The following DLG2 variants were observed in gnomAD, a reference collection of about 807,000 sequenced individuals.
DLG2 encodes the protein discs large MAGUK scaffold protein 2, also known as disks large homolog 2.
DLG2 carries 45 observed loss-of-function variants against 132.5 expected under a neutral mutation model. That is an observed-to-expected ratio of 0.34 (90% CI 0.27 to 0.44). The LOEUF (loss-of-function observed/expected upper bound fraction) is 0.44. DLG2 is among the 20% of genes least tolerant of loss of function. The pLI is 1.00. For missense variants in DLG2, 1,045 were observed against 1,196.9 expected, an observed-to-expected ratio of 0.87 and a Z score of 1.87; for synonymous variants, 424 against 419.6, an observed-to-expected ratio of 1.01 and a Z score of -0.13.
intron 3 of DLG2, chr11:85,453,423 A>G (rs2092317379): frequency 6.0e-6 from 1 of 165,834 alleles, no homozygotes; most frequent in Non-Finnish European, 1.3e-5. Context: ...AATACTGATA[A>G]AAGGGACACA....
intron 19 of DLG2, among the ~76,000 whole-genome samples, chr11:83,575,568 C>G (rs918739256): frequency 5.3e-5 from 8 of 152,116 alleles, no homozygotes; most frequent in African/African-American, 1.7e-4. Flanking sequence ...GAGAAAGAAC[C>G]ATTTTGAAGG....
chr11:85,390,621 T>G (rs765140970), intron 3 of DLG2, among the ~76,000 whole-genome samples: 8 of 151,744 alleles, frequency 5.3e-5, no homozygotes, highest in Non-Finnish European at 8.8e-5. Flanking sequence ...AAAATGAAAA[T>G]AAACACCAAA....
intron 18 of DLG2, chr11:83,651,826 A>T (rs1244094735): frequency 2.1e-6 from 1 of 470,990 alleles, no homozygotes; most frequent in Non-Finnish European, 4.4e-6. Flanking sequence ...CATGTGAAAG[A>T]TTTGCTCCCT....
At chr11:85,290,000 G>T (rs1408847251) in intron 3 of DLG2, among the ~76,000 whole-genome samples, 1 of 152,160 alleles carries the variant, frequency 6.6e-6, no homozygotes, top group East Asian at 1.9e-4. Context: ...CCTTAGGAAT[G>T]AAGACAATGT....
intron 6 of DLG2, among the ~76,000 whole-genome samples, chr11:84,660,088 C>T (rs1054764150): frequency 4.6e-5 from 7 of 152,054 alleles, no homozygotes; most frequent in Admixed American, 1.3e-4. Flanking sequence ...ACATACTGTT[C>T]ATAAGGCTGA....
intron 9 of DLG2, among the ~76,000 whole-genome samples, chr11:84,108,196 G>C (rs894634898): frequency 1.3e-5 from 2 of 152,014 alleles, no homozygotes; most frequent in East Asian, 3.9e-4. Context: ...AAGGAAGAGG[G>C]AGCAACAGGC....
intron 3 of DLG2, among the ~76,000 whole-genome samples, chr11:85,483,597 T>C (rs965255655): frequency 2.6e-5 from 4 of 152,168 alleles, no homozygotes; most frequent in Non-Finnish European, 5.9e-5. Flanking sequence ...CTAACTGCAA[T>C]GGTGATATGT....
rs1208591432 is a variant in DLG2 at position 84,784,345 on chromosome 11, TAAA to T, written c.358-249617_358-249615del. Among the ~76,000 whole-genome samples, 884 of 147,028 alleles carry T rather than the reference TAAA, an allele frequency of 6.0e-3. 9 individuals carry two copies. The highest frequency in any genetic ancestry group is 0.015 in the African/African-American group (597 of 40,408). The stretch of plus-strand genomic sequence containing the variant: ...CAAAATAAATAAATAAATAAATAAA[TAAA>T]TAAATAAATAAATAAATAAATTAAA... On this transcript the variant is annotated intron_variant, in intron 6 of 27. Coordinates refer to ENST00000376104, the MANE Select transcript of DLG2 (RefSeq NM_001142699.3).
At chr11:84,155,467 G>A (rs75549029) in intron 9 of DLG2, among the ~76,000 whole-genome samples, 3,221 of 151,014 alleles carry the variant, frequency 0.021, 85 homozygotes, top group East Asian at 0.12. Flanking sequence ...CTAGTCAGCC[G>A]TCTAGTCCCC....
At chr11:84,002,349 C>T (rs1013584056) in intron 11 of DLG2, among the ~76,000 whole-genome samples, 3 of 152,178 alleles carry the variant, frequency 2.0e-5, no homozygotes, top group African/African-American at 7.2e-5. Flanking sequence ...AGGTAGTACC[C>T]CAGTGGGGAC....
intron 4 of DLG2, among the ~76,000 whole-genome samples, chr11:85,277,241 T>C (rs1278438467): frequency 2.0e-5 from 3 of 152,264 alleles, no homozygotes; most frequent in Admixed American, 6.5e-5. Flanking sequence ...ATCCTGACTA[T>C]GAAGACCAGT....
At chr11:84,356,727 A>C (rs930605178) in intron 7 of DLG2, among the ~76,000 whole-genome samples, 5 of 152,084 alleles carry the variant, frequency 3.3e-5, no homozygotes, top group Non-Finnish European at 7.4e-5. Context: ...ACTTCTACAA[A>C]GAACGCTCAA....
intron 6 of DLG2, among the ~76,000 whole-genome samples, chr11:84,985,219 T>C (rs560838177): frequency 6.6e-6 from 1 of 152,306 alleles, no homozygotes; most frequent in African/African-American, 2.4e-5. Flanking sequence ...GTAGACCATA[T>C]GATAGGACAC....
chr11:84,200,871 T>C (rs1566909952), intron 8 of DLG2, among the ~76,000 whole-genome samples: 1 of 152,182 alleles, frequency 6.6e-6, no homozygotes, highest in Admixed American at 6.5e-5. Flanking sequence ...GTTTTCTAAA[T>C]ATAGGTTCAC....
intron 3 of DLG2, among the ~76,000 whole-genome samples, chr11:85,319,912 T>C (rs1204892616): frequency 6.6e-6 from 1 of 151,908 alleles, no homozygotes; most frequent in Non-Finnish European, 1.5e-5. Context: ...AAGTCAAAGT[T>C]TACAGCTTGG....
chr11:84,212,654 C>A (rs1355185782), intron 8 of DLG2, among the ~76,000 whole-genome samples: 1 of 152,126 alleles, frequency 6.6e-6, no homozygotes, highest in East Asian at 1.9e-4. Context: ...AATTCAAGTA[C>A]GGTACTTACT....
At chr11:84,165,616 G>T (rs2095643178) in intron 8 of DLG2, among the ~76,000 whole-genome samples, 1 of 152,074 alleles carries the variant, frequency 6.6e-6, no homozygotes, top group Non-Finnish European at 1.5e-5. Flanking sequence ...TTAAAACAAA[G>T]CATCCCGGCT....
upstream of DLG2, among the ~76,000 whole-genome samples, chr11:85,628,350 T>C (rs1020833265): frequency 2.0e-5 from 3 of 152,250 alleles, no homozygotes; most frequent in Admixed American, 2.0e-4. Flanking sequence ...GGAGCTAAGC[T>C]GATAAATAGT....
intron 6 of DLG2, among the ~76,000 whole-genome samples, chr11:84,547,046 C>T (rs2099391356): frequency 6.6e-6 from 1 of 152,110 alleles, no homozygotes; most frequent in East Asian, 1.9e-4. Flanking sequence ...CTTATTAAAC[C>T]CTCTGAGACA....
Sources: allele counts gnomAD v4.1 joint callset (sites outside exome capture counted in the v4.1 genomes callset), GRCh38; gene constraint gnomAD v4.1.1; transcripts MANE v1.5; gene names NCBI Gene and HGNC (gene_info 2026-07-23, HGNC 2026-07-21).